The following STMN1 variants were observed in gnomAD, a reference collection of about 807,000 sequenced individuals.
STMN1 encodes stathmin 1.
STMN1 carries 3 observed loss-of-function variants against 19.7 expected under a neutral mutation model. That is an observed-to-expected ratio of 0.15 (90% confidence interval 0.07 to 0.39). The LOEUF (loss-of-function observed/expected upper bound fraction) is 0.39. STMN1 is among the 10% of genes least tolerant of loss of function. The pLI is 1.00. For synonymous variants in STMN1, 59 were observed against 58.9 expected (o/e 1.00, Z -0.01); for missense variants, 99 against 176.0 (o/e 0.56, Z 2.48).
At position 25,901,532 on chromosome 1, in the gene STMN1, C is replaced by T. The variant is rs1417215990; in HGVS notation, c.337G>A (p.Glu113Lys). The change falls in exon 4 of 5, where the codon GAG becomes AAG. Residue 113 changes from glutamate (E) to lysine (K), a missense_variant. Glu to Lys is a moderately conservative substitution (Grantham distance 56). This residue lies in a region of STMN1 where 54 missense variants were observed against 79.4 expected (regional missense o/e 0.68). Coordinates refer to ENST00000455785, the MANE Select transcript of STMN1 (RefSeq NM_005563.4). Reference sequence around the variant, plus strand: ...TCCAGTTTGGCAGCCATTTGTGCCTCTCGGTTCTCTTTATTAGCTTCCATT... The same window carrying T: ...TCCAGTTTGGCAGCCATTTGTGCCTTTCGGTTCTCTTTATTAGCTTCCATT... ...HKMEANKENR[E>K]AQMAAKLERL... 1 of 1,613,266 alleles carries T rather than the reference C, an allele frequency of 6.2e-7. No individual in the cohort carries two copies. The highest frequency in any genetic ancestry group is 8.5e-7 in the Non-Finnish European group (1 of 1,179,800).
chr1:25,901,782 G>C, intron 3 of STMN1, 100 bp from the exon 4 acceptor site: 1 of 1,201,880 alleles, frequency 8.3e-7, no homozygotes, highest in Non-Finnish European at 1.1e-6. Flanking sequence ...GGCCAAGGTG[G>C]GTGGATCATT....
In STMN1 at chr1:25,900,337, C is replaced by T. The variant is rs1375158685; in HGVS notation, c.*679G>A. 4.1e-6 allele frequency: 4 copies of T among 985,732 alleles called. No homozygotes were observed. Among genetic ancestry groups the T allele is most frequent in the Non-Finnish European group, 4.8e-6 (4 of 829,950 alleles). 61.1% of individuals were successfully genotyped at this position (985,732 alleles called of 1,614,324 possible). On this transcript the variant is annotated 3_prime_UTR_variant, in exon 5 of 5. Transcript: ENST00000455785. ...CAAAAAATGGTTGTTTGCAAATAAA[C>T]ATCTGAAAGAAAGTAACAGCTGACC...
chr1:25,898,412 T>A (rs1352774621), downstream of STMN1, among the ~76,000 whole-genome samples: 1 of 152,232 alleles, frequency 6.6e-6, no homozygotes, highest in African/African-American at 2.4e-5. Context: ...AGTACAAGTA[T>A]GTGGTCGAGA....
intron 4 of STMN1, chr1:25,885,928 G>A: frequency 6.7e-7 from 1 of 1,483,052 alleles, no homozygotes; most frequent in South Asian, 1.4e-5. Context: ...GGGACAGGAG[G>A]TGGAGGGGCC....
chr1:25,886,526 C>T (rs985015124), intron 4 of STMN1, among the ~76,000 whole-genome samples: 2 of 151,588 alleles, frequency 1.3e-5, no homozygotes, highest in Non-Finnish European at 2.9e-5. Flanking sequence ...GCTGCCATCT[C>T]GCCTCTCTCC....
At chr1:25,885,654 C>T in exon 5 of STMN1, 1 of 1,436,964 alleles carries the variant, frequency 7.0e-7, no homozygotes, top group Non-Finnish European at 9.2e-7. Context: ...CATCAAGGAT[C>T]CTCTTGGCCA....
At chr1:25,901,226 A>C (rs1224031252) in intron 4 of STMN1, 139 bp from the exon 5 acceptor site, 3 of 1,442,594 alleles carry the variant, frequency 2.1e-6, no homozygotes, top group Non-Finnish European at 2.8e-6. Context: ...GGAACCACAC[A>C]ATTTAAGTTC....
At chr1:25,892,885 A>G (rs1462470154) in intron 4 of STMN1, among the ~76,000 whole-genome samples, 1 of 152,228 alleles carries the variant, frequency 6.6e-6, no homozygotes, top group Non-Finnish European at 1.5e-5. Context: ...AATGGACTCA[A>G]TTAGGAGCCT....
At chr1:25,885,068 T>C (rs1557474706), downstream of STMN1, 1 of 153,758 alleles carries the variant, frequency 6.5e-6, no homozygotes, top group African/African-American at 2.4e-5. Flanking sequence ...GCTGGTGCCA[T>C]GAAGGAGGAA....
At chr1:25,892,674 C>T (rs748863387) in intron 4 of STMN1, 333 of 884,708 alleles carry the variant, frequency 3.8e-4, no homozygotes, top group Non-Finnish European at 4.3e-4. Context: ...CTAAACCAAA[C>T]GCCCCCGGGC....
downstream of STMN1, among the ~76,000 whole-genome samples, chr1:25,897,684 G>A (rs767346006): frequency 1.3e-5 from 2 of 152,184 alleles, no homozygotes; most frequent in African/African-American, 2.4e-5. Context: ...GCAACGAGGG[G>A]ATGCTGAGCT....
At chr1:25,899,871 T>A (rs1162556796), downstream of STMN1, among the ~76,000 whole-genome samples, 1 of 152,122 alleles carries the variant, frequency 6.6e-6, no homozygotes, top group African/African-American at 2.4e-5. Context: ...TCTTTTGCTA[T>A]AAGTGCTTGG....
At chr1:25,891,639 C>A (rs1172726814) in intron 4 of STMN1, among the ~76,000 whole-genome samples, 2 of 152,194 alleles carry the variant, frequency 1.3e-5, no homozygotes, top group African/African-American at 4.8e-5. Context: ...CGTTCTGCAT[C>A]TTGGAAAGAA....
downstream of STMN1, among the ~76,000 whole-genome samples, chr1:25,896,094 T>C (rs371613190): frequency 5.9e-5 from 9 of 152,284 alleles, no homozygotes; most frequent in African/African-American, 2.2e-4. Context: ...TGAGTAACAC[T>C]TGTGATACAT....
exon 5 of STMN1, chr1:25,885,800 A>G (rs1448240634): frequency 7.7e-6 from 12 of 1,551,584 alleles, no homozygotes; most frequent in African/African-American, 1.4e-5. Flanking sequence ...GCAGGAACAG[A>G]GTGGAGACAA....
downstream of STMN1, among the ~76,000 whole-genome samples, chr1:25,897,976 C>T (rs1052551105): frequency 3.9e-5 from 6 of 152,136 alleles, no homozygotes; most frequent in Admixed American, 1.3e-4. Flanking sequence ...CCCAGCAGGC[C>T]CTCCCACCTC....
chr1:25,896,848 G>A (rs958439530), downstream of STMN1, among the ~76,000 whole-genome samples: 2 of 152,186 alleles, frequency 1.3e-5, no homozygotes, highest in African/African-American at 4.8e-5. Context: ...CAAGAGACTT[G>A]GCTCACCAGC....
chr1:25,894,320 A>G (rs1366268443), intron 4 of STMN1, among the ~76,000 whole-genome samples: 3 of 152,070 alleles, frequency 2.0e-5, no homozygotes, highest in South Asian at 2.1e-4. Flanking sequence ...AGAGATGGCA[A>G]TGGTGTTTAG....
At chr1:25,899,661 G>A (rs77047253), downstream of STMN1, among the ~76,000 whole-genome samples, 3,505 of 152,122 alleles carry the variant, frequency 0.023, 73 homozygotes, top group Non-Finnish European at 0.033. Flanking sequence ...TGATTTATAC[G>A]GAATGCTAAA....
Sources: gnomAD v4.1 joint callset for allele counts (sites outside exome capture counted in the v4.1 genomes callset) on GRCh38, gnomAD v4.1.1 for gene constraint, gnomAD v4.1.1 regional missense constraint, MANE v1.5 for transcripts, NCBI Gene and HGNC (gene_info 2026-07-23, HGNC 2026-07-21) for gene names.